Variants in CDCP1 observed in about 807,000 individuals in gnomAD.
The protein encoded by CDCP1 is CUB domain containing protein 1.
CDCP1 carries 29 observed loss-of-function variants against 60.2 expected under a neutral mutation model. The observed-to-expected ratio is 0.48, with a 90% CI of 0.36 to 0.66. The LOEUF (loss-of-function observed/expected upper bound fraction) is 0.66, where lower values mean the gene tolerates loss of function less well. CDCP1 is among the 30% of genes least tolerant of loss of function. CDCP1 has a pLI of 0.00. For missense variants in CDCP1, 876 were observed against 1,074.3 expected (o/e 0.82, Z 2.58); for synonymous variants, 387 against 431.1 (o/e 0.90, Z 1.27).
intron 2 of CDCP1, among the ~76,000 whole-genome samples, chr3:45,116,788 T>C (rs1698798729): frequency 6.6e-6 from 1 of 152,180 alleles, no homozygotes; most frequent in African/African-American, 2.4e-5. Context: ...CCCTCCTTGG[T>C]TATTTATTTA....
At chr3:45,146,396 G>T, upstream of CDCP1, 1 of 951,222 alleles carries the variant, frequency 1.1e-6, no homozygotes, top group Non-Finnish European at 1.5e-6. Context: ...TCACCTGCGC[G>T]CGGGCGGACC....
At chr3:45,134,927 T>C (rs948316833) in intron 1 of CDCP1, among the ~76,000 whole-genome samples, 1 of 152,216 alleles carries the variant, frequency 6.6e-6, no homozygotes, top group South Asian at 2.1e-4. Context: ...AAAGGTGTTA[T>C]GTCAATGAGG....
At chr3:45,089,247 C>G (rs1264962838) in intron 7 of CDCP1, 106 bp from the exon 8 acceptor site, 2 of 837,440 alleles carry the variant, frequency 2.4e-6, no homozygotes, top group African/African-American at 1.7e-5. Context: ...AAAGGTGGAG[C>G]GCCATACATG....
intron 1 of CDCP1, among the ~76,000 whole-genome samples, chr3:45,130,175 G>A (rs573511656): frequency 6.6e-6 from 1 of 151,398 alleles, no homozygotes; most frequent in South Asian, 2.1e-4. Flanking sequence ...AGGCTGCAGA[G>A]CAGTGGTGTG....
Position 45,138,229 on chromosome 3 carries a change from T to C in CDCP1, c.82+7977A>G, listed in dbSNP as rs144785237. 2.4e-4 allele frequency among the ~76,000 whole-genome samples: 37 copies of C among 152,382 alleles called. 1 individual carries two copies. The East Asian group carries it at 6.5e-3, about 27-fold the overall frequency. On this transcript the variant is annotated intron_variant, in intron 1 of 8. Coordinates refer to ENST00000296129, the MANE Select transcript of CDCP1 (RefSeq NM_022842.5). ...TTTAAAAACTTGTTCTAGTGTCTTT[T>C]AGAATAACTTCATACGGCTTTTCAC...
chr3:45,085,816 G>A lies in CDCP1; in HGVS notation c.2333C>T (p.Thr778Ile). Residue 778 changes from threonine to isoleucine, a missense_variant, in exon 9 of 9, where the codon ACC becomes ATC. Physicochemically the swap from Thr to Ile is moderately conservative, Grantham distance 89. Transcript: ENST00000296129. The surrounding 1 kb of genome is among the most constrained non-coding windows in gnomAD (Gnocchi z 4.2). The stretch of plus-strand genomic sequence containing the variant: ...TGCAGTTGGGGCCCTGGAGCATATG[G>A]TGGGTGGGGAGGGAGGACAGACCCC... The part of the protein sequence containing the change: ...TMGVCPPSPP[T>I]ICSRAPTAKL... 6.2e-7 allele frequency: 1 copy of A among 1,614,154 alleles called. No homozygotes were observed. Among genetic ancestry groups the A allele is most frequent in the Non-Finnish European group, 8.5e-7 (1 of 1,180,028 alleles).
At chr3:45,113,191 C>G (rs984525165) in intron 2 of CDCP1, among the ~76,000 whole-genome samples, 3 of 152,204 alleles carry the variant, frequency 2.0e-5, no homozygotes, top group Non-Finnish European at 2.9e-5. Context: ...CATTCATCAA[C>G]ATAGCAAATA....
chr3:45,142,085 A>G (rs1031877392), intron 1 of CDCP1, among the ~76,000 whole-genome samples: 7 of 152,108 alleles, frequency 4.6e-5, no homozygotes, highest in African/African-American at 1.7e-4. Context: ...TGCCCCCCTC[A>G]GCATCCCAAA....
At chr3:45,107,966 A>C (rs534299299) in intron 4 of CDCP1, among the ~76,000 whole-genome samples, 1 of 152,054 alleles carries the variant, frequency 6.6e-6, no homozygotes, top group South Asian at 2.1e-4. Flanking sequence ...AAAATACAAA[A>C]AATTAGTTGG....
chr3:45,144,494 G>A (rs533883040), intron 1 of CDCP1, among the ~76,000 whole-genome samples: 13 of 152,176 alleles, frequency 8.5e-5, no homozygotes, highest in Non-Finnish European at 1.9e-4. Context: ...TTTATGTATT[G>A]AACCATGAGA....
chr3:45,131,054 T>C lies in CDCP1; in HGVS notation c.83-12433A>G, dbSNP rs9850325. Among the ~76,000 whole-genome samples, 1,342 of 152,152 alleles carry C rather than the reference T, an allele frequency of 8.8e-3. 25 individuals carry two copies. The highest frequency in any genetic ancestry group is 0.031 in the African/African-American group (1,290 of 41,518). On this transcript the variant is annotated intron_variant, in intron 1 of 8. Coordinates refer to ENST00000296129, the MANE Select transcript of CDCP1 (RefSeq NM_022842.5). ...GCTAATTTTTTTGTTTTCATTTTTG[T>C]AGAGACGGGGGTCTTCCTATGTTGC...
chr3:45,130,990 C>G (rs1699082586), intron 1 of CDCP1, among the ~76,000 whole-genome samples: 1 of 152,150 alleles, frequency 6.6e-6, no homozygotes, highest in Non-Finnish European at 1.5e-5. Flanking sequence ...CCTCAGCCTC[C>G]TGAGTAGCTG....
chr3:45,122,254 C>T (rs1037735072), intron 1 of CDCP1, among the ~76,000 whole-genome samples: 1 of 151,764 alleles, frequency 6.6e-6, no homozygotes, highest in Admixed American at 6.6e-5. Context: ...AGCTATTCTC[C>T]TGCCTCAGCC....
At chr3:45,108,631 T>C (rs1412175890) in intron 4 of CDCP1, among the ~76,000 whole-genome samples, 1 of 150,824 alleles carries the variant, frequency 6.6e-6, no homozygotes, top group Non-Finnish European at 1.5e-5. Context: ...ATTGTACAGT[T>C]GTGACAGTGG....
At chr3:45,094,116 G>C (rs1278566184) in intron 5 of CDCP1, among the ~76,000 whole-genome samples, 3 of 152,116 alleles carry the variant, frequency 2.0e-5, no homozygotes, top group Non-Finnish European at 4.4e-5. Context: ...TCTTGGGCAG[G>C]CTACTTTGCC....
At chr3:45,102,642 TAA>T (rs770440044) in intron 4 of CDCP1, among the ~76,000 whole-genome samples, 9 of 122,266 alleles carry the variant, frequency 7.4e-5, no homozygotes, top group Admixed American at 8.2e-5. Context: ...CTGTTTCTAC[TAA>T]AAAAAAAAAA....
At chr3:45,130,768 C>T (rs927312488) in intron 1 of CDCP1, among the ~76,000 whole-genome samples, 7 of 152,284 alleles carry the variant, frequency 4.6e-5, no homozygotes, top group African/African-American at 1.4e-4. Flanking sequence ...TGTCCCTGGG[C>T]CTTGTAAGGG....
intron 4 of CDCP1, among the ~76,000 whole-genome samples, chr3:45,097,307 CA>C (rs113559480): frequency 1.3e-4 from 17 of 133,452 alleles, no homozygotes; most frequent in Admixed American, 1.5e-4. Flanking sequence ...ACTCTGTCTC[CA>C]AAAAAAAAAG....
intron 1 of CDCP1, among the ~76,000 whole-genome samples, chr3:45,135,801 C>G (rs930762102): frequency 6.6e-6 from 1 of 152,152 alleles, no homozygotes; most frequent in Non-Finnish European, 1.5e-5. Context: ...TACTGCAATT[C>G]TTATACCTAC....
Sources: gnomAD v4.1 joint callset for allele counts (sites outside exome capture counted in the v4.1 genomes callset) on GRCh38, gnomAD v4.1.1 for gene constraint, Gnocchi (gnomAD v3.1) non-coding constraint, MANE v1.5 for transcripts, NCBI Gene and HGNC (gene_info 2026-07-23, HGNC 2026-07-21) for gene names.